The following TRPM8 variants were observed in gnomAD, a reference collection of about 807,000 sequenced individuals.
TRPM8 encodes the protein transient receptor potential cation channel subfamily M member 8.
TRPM8 carries 110 observed loss-of-function variants against 133.7 expected under a neutral mutation model. The observed-to-expected ratio is 0.82, with a 90% CI of 0.70 to 0.96. The LOEUF (loss-of-function observed/expected upper bound fraction) is 0.96, where lower values mean the gene tolerates loss of function less well. TRPM8 is among the 40% of genes least tolerant of loss of function. The pLI, the probability that TRPM8 is intolerant of heterozygous loss-of-function variation, is 0.00. For missense variants in TRPM8, 1,291 were observed against 1,379.5 expected (o/e 0.94, Z 1.02); for synonymous variants, 535 against 532.3 (o/e 1.01, Z -0.07).
chr2:233,971,325 A>G (rs1390920549), intron 17 of TRPM8, among the ~76,000 whole-genome samples: 1 of 151,694 alleles, frequency 6.6e-6, no homozygotes, highest in Non-Finnish European at 1.5e-5. Context: ...TTTCATGCCA[A>G]CTCTGACAGA....
At chr2:233,942,826 G>C (rs765551100) in intron 6 of TRPM8, 78 bp downstream of exon 6, 1 of 1,576,260 alleles carries the variant, frequency 6.3e-7, no homozygotes, top group African/African-American at 1.3e-5. Flanking sequence ...CTGAACCCTG[G>C]GGCTCTGTGA....
intron 17 of TRPM8, among the ~76,000 whole-genome samples, chr2:233,974,311 G>A (rs945021679): frequency 3.7e-4 from 56 of 151,978 alleles, no homozygotes; most frequent in African/African-American, 1.3e-3. Context: ...TTGGCTCACT[G>A]CAACCTCCAC....
chr2:233,938,602 A>ATG (rs1339210731), intron 4 of TRPM8, among the ~76,000 whole-genome samples: 8 of 152,126 alleles, frequency 5.3e-5, no homozygotes, highest in African/African-American at 1.9e-4. Context: ...ACAACTCGAA[A>ATG]CGAGAGGGGG....
Position 233,950,702 on chromosome 2 carries a change from A to G in TRPM8, c.1140+556A>G, listed in dbSNP as rs1200865836. Among the ~76,000 whole-genome samples, 4 of 152,162 alleles carry G rather than the reference A, an allele frequency of 2.6e-5. No homozygotes were observed. In the East Asian group the frequency reaches 7.7e-4, roughly 29 times the overall value. ...CAAAGCCCAGTGAGAGGAGAAGGAG[A>G]GGGCTGGCTGGGCAAGGCCAATATT... On this transcript the variant is annotated intron_variant, in intron 9 of 25. Coordinates refer to ENST00000324695, the MANE Select transcript of TRPM8 (RefSeq NM_024080.5).
At chr2:233,942,086 T>C (rs1156951404) in intron 5 of TRPM8, among the ~76,000 whole-genome samples, 3 of 143,666 alleles carry the variant, frequency 2.1e-5, no homozygotes, top group Admixed American at 2.0e-4. Flanking sequence ...TTTTTTTTTT[T>C]TTTTTCTTTT....
At chr2:233,978,727 A>G (rs1227739693) in intron 17 of TRPM8, among the ~76,000 whole-genome samples, 2 of 152,116 alleles carry the variant, frequency 1.3e-5, no homozygotes, top group African/African-American at 4.8e-5. Context: ...TAAACATCCT[A>G]TTTACTGAAT....
At chr2:233,942,496 T>G (rs1559522214) in intron 5 of TRPM8, 80 bp from the exon 6 acceptor site, 1 of 1,454,308 alleles carries the variant, frequency 6.9e-7, no homozygotes, top group Non-Finnish European at 9.6e-7. Context: ...GATGGGGCCT[T>G]TATTTTAGGG....
At chr2:233,949,637 G>A (rs1017683843) in intron 8 of TRPM8, among the ~76,000 whole-genome samples, 1 of 152,116 alleles carries the variant, frequency 6.6e-6, no homozygotes, top group African/African-American at 2.4e-5. Context: ...TATTATGTCA[G>A]TACTTGGAAT....
chr2:233,920,350 A>G (rs1362699320), intron 1 of TRPM8, among the ~76,000 whole-genome samples: 1 of 152,186 alleles, frequency 6.6e-6, no homozygotes, highest in Non-Finnish European at 1.5e-5. Flanking sequence ...CATCAGGCCC[A>G]TTTGAAATTT....
intron 14 of TRPM8, among the ~76,000 whole-genome samples, 192 bp downstream of exon 14, chr2:233,964,949 G>C (rs973056122): frequency 3.3e-5 from 5 of 151,850 alleles, no homozygotes; most frequent in Non-Finnish European, 5.9e-5. Flanking sequence ...AATTTTCCAA[G>C]AATGAATGTG....
chr2:233,990,628 CG>C (rs1309897853), intron 21 of TRPM8, among the ~76,000 whole-genome samples: 2 of 152,202 alleles, frequency 1.3e-5, no homozygotes, highest in African/African-American at 4.8e-5. Flanking sequence ...ACACTAATCA[CG>C]GGTTTCTGTG....
intron 22 of TRPM8, among the ~76,000 whole-genome samples, chr2:234,000,989 T>G (rs1294976990): frequency 6.6e-6 from 1 of 152,222 alleles, no homozygotes; most frequent in African/African-American, 2.4e-5. Context: ...AACTTGAACA[T>G]TTTTAATAGT....
Position 233,927,908 on chromosome 2 carries a change from TTCTC to T in TRPM8, c.117+1266_117+1269del, listed in dbSNP as rs1253864335. ...TTTCTTTCTTTCTTTCTTTCTTTCTTTCTCTCTCTCTCTCTTTCTCTCTCTCTCT... is the reference window on the plus strand; with the variant it reads ...TTTCTTTCTTTCTTTCTTTCTTTCTTTCTCTCTCTCTTTCTCTCTCTCTCT... On this transcript the variant is annotated intron_variant, in intron 2 of 25. Transcript: ENST00000324695. Among the ~76,000 whole-genome samples, 12 of 38,870 alleles carry T rather than the reference TTCTC, an allele frequency of 3.1e-4. 1 individual carries two copies. Among genetic ancestry groups the T allele is most frequent in the African/African-American group, 1.8e-3 (9 of 5,138 alleles). The allele number at this position is 38,870 out of a possible 152,430, so 25.5% of individuals were successfully genotyped here.
intron 3 of TRPM8, among the ~76,000 whole-genome samples, chr2:233,934,400 T>C (rs1450918723): frequency 1.3e-5 from 2 of 152,258 alleles, no homozygotes; most frequent in Non-Finnish European, 2.9e-5. Context: ...GGGATGCCTA[T>C]GTCAATCCTG....
At position 233,980,288 on chromosome 2, in the gene TRPM8, T is replaced by A. The variant is rs1691974528; in HGVS notation, c.2447+9T>A. 1.3e-6 allele frequency: 2 copies of A among 1,566,246 alleles called. No homozygotes were observed. Among genetic ancestry groups the A allele is most frequent in the Admixed American group, 2.0e-5 (1 of 50,246 alleles). Reference sequence around the variant, plus strand: ...GCAGGAATTGTATTTCGGTAAGTAGTCTCATCACTTTTCCTAATTTTCTGT... The same window carrying A: ...GCAGGAATTGTATTTCGGTAAGTAGACTCATCACTTTTCCTAATTTTCTGT... On this transcript the variant is annotated intron_variant, in intron 18 of 25. Transcript: ENST00000324695.
At chr2:233,970,467 G>GTGCACCGAGGC in intron 17 of TRPM8, 41 bp downstream of exon 17, 1 of 1,564,064 alleles carries the variant, frequency 6.4e-7, no homozygotes, top group Non-Finnish European at 8.8e-7. Context: ...CGCTTCCTCG[G>GTGCACCGAGGC]TGGGAGGCAT....
intron 21 of TRPM8, among the ~76,000 whole-genome samples, chr2:233,987,762 G>A (rs1267014997): frequency 1.3e-5 from 2 of 152,166 alleles, no homozygotes; most frequent in African/African-American, 4.8e-5. Flanking sequence ...GGAGATAATC[G>A]AATCATGGGA....
intron 18 of TRPM8, among the ~76,000 whole-genome samples, 181 bp downstream of exon 18, chr2:233,980,460 C>T (rs1393577225): frequency 6.6e-6 from 1 of 152,176 alleles, no homozygotes; most frequent in Non-Finnish European, 1.5e-5. Context: ...CCCCTCTCTT[C>T]CCCCTCCCAC....
At chr2:233,948,678 G>T (rs867949557) in intron 8 of TRPM8, among the ~76,000 whole-genome samples, 7 of 152,224 alleles carry the variant, frequency 4.6e-5, no homozygotes, top group African/African-American at 1.7e-4. Context: ...ACTGCCGTCT[G>T]CTCAGCCAAT....
Sources: allele counts gnomAD v4.1 joint callset (sites outside exome capture counted in the v4.1 genomes callset), GRCh38; gene constraint gnomAD v4.1.1; transcripts MANE v1.5; gene names NCBI Gene and HGNC (gene_info 2026-07-23, HGNC 2026-07-21).